Variants in NFATC3 observed in about 807,000 individuals in gnomAD.
The protein encoded by NFATC3 is nuclear factor of activated T-cells, cytoplasmic 3.
Under a neutral mutation model 98.6 loss-of-function variants are expected in NFATC3, and 46 were observed. The observed-to-expected ratio is 0.47, with a 90% CI of 0.37 to 0.60. The LOEUF (loss-of-function observed/expected upper bound fraction) is 0.60. Ranked by LOEUF, NFATC3 falls within the 20% of genes least tolerant of loss-of-function variation. The pLI, the probability that NFATC3 is intolerant of heterozygous loss-of-function variation, is 0.00. For synonymous variants in NFATC3, 512 were observed against 472.2 expected (o/e 1.08, Z -1.09); for missense variants, 1,256 against 1,295.5 (o/e 0.97, Z 0.47).
intron 8 of NFATC3, among the ~76,000 whole-genome samples, chr16:68,185,862 C>CAAAAAAAA: frequency 2.0e-5 from 1 of 49,354 alleles, no homozygotes; most frequent in Non-Finnish European, 4.5e-5. Flanking sequence ...GACTCCGTCT[C>CAAAAAAAA]AAAAAAAAAA....
At chr16:68,138,329 G>A (rs1469102713) in intron 3 of NFATC3, among the ~76,000 whole-genome samples, 1 of 152,112 alleles carries the variant, frequency 6.6e-6, no homozygotes, top group Non-Finnish European at 1.5e-5. Flanking sequence ...GTAAGCCACC[G>A]TGCCTGGCCC....
chr16:68,186,516 G>A lies in NFATC3; in HGVS notation c.2098+3150G>A, dbSNP rs139679326. Among the ~76,000 whole-genome samples, 7 of 152,138 alleles carry A rather than the reference G, an allele frequency of 4.6e-5. No homozygotes were observed. The East Asian group carries it at 1.4e-3, about 29-fold the overall frequency. On this transcript the variant is annotated intron_variant, in intron 8 of 9. Transcript: ENST00000346183. ...GATCACACCACTGCACTCCAGCCTGGGTGACAGAACAAGACTCCATCTCAA... is the reference window on the plus strand; with the variant it reads ...GATCACACCACTGCACTCCAGCCTGAGTGACAGAACAAGACTCCATCTCAA...
chr16:68,114,456 C>T lies in NFATC3; in HGVS notation c.104-7531C>T, dbSNP rs1396312574. Among the ~76,000 whole-genome samples the T allele has an allele frequency of 3.3e-5, 5 of 152,252 alleles. No individual in the cohort carries two copies. In the East Asian group the frequency reaches 9.6e-4, roughly 29 times the overall value. On this transcript the variant is annotated intron_variant, in intron 1 of 9. Transcript: ENST00000346183. ...TGTTTTTTCTTGAAGTTGTTTCTTT[C>T]ACACTATTCATGGAGGCTAATTGTT...
intron 9 of NFATC3, among the ~76,000 whole-genome samples, chr16:68,208,275 G>A (rs2041231892): frequency 6.6e-6 from 1 of 151,942 alleles, no homozygotes; most frequent in Non-Finnish European, 1.5e-5. Context: ...GACCTCAGGT[G>A]AGCCACCCGC....
At chr16:68,098,297 A>ATTTTT (rs71382032) in intron 1 of NFATC3, among the ~76,000 whole-genome samples, 6 of 101,434 alleles carry the variant, frequency 5.9e-5, no homozygotes, top group African/African-American at 1.7e-4. Flanking sequence ...TATTATTATT[A>ATTTTT]TTATTTTTTT....
chr16:68,128,959 T>C (rs923506681), intron 3 of NFATC3, among the ~76,000 whole-genome samples: 1 of 151,850 alleles, frequency 6.6e-6, no homozygotes, highest in African/African-American at 2.4e-5. Flanking sequence ...AGCTGGACAT[T>C]GTGGCACACC....
chr16:68,088,493 A>ATAAATATATATTTTATATATAATATG (rs2034521669), intron 1 of NFATC3, among the ~76,000 whole-genome samples: 1 of 147,252 alleles, frequency 6.8e-6, no homozygotes, highest in Non-Finnish European at 1.5e-5. Flanking sequence ...TATATAATAT[A>ATAAATATATATTTTATATATAATATG]TATTTTATAT....
In NFATC3 at chr16:68,190,871, G is replaced by T; in HGVS notation, c.2202G>T (p.Gly734=). The stretch of plus-strand genomic sequence containing the variant: ...CCCAGAGGCCTTCCTCTGATTCAGG[G>T]TGTTCACATGACAGTGTACTGTCAG... ...AQTQRPSSDS[G]CSHDSVLSGQ... Residue 734 remains glycine, a synonymous_variant, in exon 9 of 10, where the codon GGG becomes GGT. Transcript: ENST00000346183. The T allele has an allele frequency of 6.2e-7, 1 of 1,614,176 alleles. No individual in the cohort carries two copies. The highest frequency in any genetic ancestry group is 8.5e-7 in the Non-Finnish European group (1 of 1,180,050).
rs777722195 is a variant in NFATC3, at chr16:68,191,629, C to T, written c.2960C>T (p.Ser987Phe). 6.2e-7 allele frequency: 1 copy of T among 1,614,058 alleles called. No homozygotes were observed. The highest frequency in any genetic ancestry group is 8.5e-7 in the Non-Finnish European group (1 of 1,180,052). ...CAAAGTACGGGCCAGGGGGGTCTTT[C>T]TGCACCTTCATCCTTAATATGTCAC... is the stretch of plus-strand genomic sequence containing the variant. ...QAQSTGQGGL[S>F]APSSLICHSL... is the part of the protein sequence containing the mutation. The change falls in exon 9 of 10, where the codon TCT (serine) becomes TTT (phenylalanine). Residue 987 changes from serine (S) to phenylalanine (F), a missense_variant. Ser to Phe is a radical substitution (Grantham distance 155). Around this residue, in one of 3 missense-constraint regions of NFATC3, gnomAD observed 636 missense variants for 617.3 expected, o/e 1.03. Coordinates refer to ENST00000346183, the MANE Select transcript of NFATC3 (RefSeq NM_173165.3).
intron 3 of NFATC3, among the ~76,000 whole-genome samples, chr16:68,140,906 A>G (rs933688447): frequency 1.3e-5 from 2 of 152,174 alleles, no homozygotes; most frequent in Non-Finnish European, 1.5e-5. Flanking sequence ...CAAGTAGTGT[A>G]CATTGTACCT....
chr16:68,154,639 G>A (rs1226798009), intron 3 of NFATC3, among the ~76,000 whole-genome samples: 3 of 152,146 alleles, frequency 2.0e-5, no homozygotes, highest in South Asian at 2.1e-4. Context: ...TGACCTTTAC[G>A]TATCTGAATC....
At chr16:68,189,134 A>G (rs1396139135) in intron 8 of NFATC3, among the ~76,000 whole-genome samples, 2 of 152,116 alleles carry the variant, frequency 1.3e-5, no homozygotes, top group Non-Finnish European at 2.9e-5. Context: ...AATGTGTGAG[A>G]TTTTATTTCT....
chr16:68,215,615 C>G (rs2041600900), intron 9 of NFATC3, among the ~76,000 whole-genome samples: 3 of 151,872 alleles, frequency 2.0e-5, no homozygotes, highest in Non-Finnish European at 4.4e-5. Flanking sequence ...GTGTAGACAA[C>G]TCCTTTAAGA....
At chr16:68,182,742 C>T (rs1291931201) in intron 7 of NFATC3, among the ~76,000 whole-genome samples, 1 of 152,044 alleles carries the variant, frequency 6.6e-6, no homozygotes, top group Non-Finnish European at 1.5e-5. Context: ...TGGTCTCAAA[C>T]TCCTGACCTC....
intron 8 of NFATC3, among the ~76,000 whole-genome samples, chr16:68,190,093 T>C (rs2040373642): frequency 1.3e-5 from 2 of 152,250 alleles, no homozygotes; most frequent in Non-Finnish European, 2.9e-5. Context: ...TGTTTATTGC[T>C]AGTTTATAGA....
intron 3 of NFATC3, among the ~76,000 whole-genome samples, chr16:68,148,555 GC>G (rs1181356655): frequency 1.3e-5 from 2 of 152,138 alleles, no homozygotes; most frequent in Non-Finnish European, 2.9e-5. Flanking sequence ...TGTAGCTTAA[GC>G]CTGCTGGCAG....
At chr16:68,220,783 G>A (rs1375337958) in intron 9 of NFATC3, among the ~76,000 whole-genome samples, 1 of 151,148 alleles carries the variant, frequency 6.6e-6, no homozygotes, top group East Asian at 1.9e-4. Context: ...GCCAGGCATT[G>A]TGGCGGGCGC....
intron 3 of NFATC3, among the ~76,000 whole-genome samples, chr16:68,130,057 C>G (rs917705404): frequency 6.6e-6 from 1 of 152,094 alleles, no homozygotes; most frequent in African/African-American, 2.4e-5. Flanking sequence ...CATCCACTGA[C>G]GAACACTTAT....
chr16:68,122,492 T>G lies in NFATC3; in HGVS notation c.609T>G (p.Phe203Leu). The change falls in exon 2 of 10, where the codon TTT (phenylalanine) becomes TTG (leucine). Residue 203 changes from phenylalanine (F) to leucine (L), a missense_variant. This residue lies in a region of NFATC3 where 464 missense variants were observed against 465.7 expected (regional missense o/e 1.00). Transcript: ENST00000346183. ...DSELNEAAAR[F>L]TLGSPLTSPG... ...AGTTGAATGAAGCTGCAGCCCGATT[T>G]ACCCTTGGATCCCCTCTGACTTCTC... The G allele has an allele frequency of 6.2e-7, 1 of 1,614,126 alleles. No homozygotes were observed. The highest frequency in any genetic ancestry group is 8.5e-7 in the Non-Finnish European group (1 of 1,180,034).
Sources: gnomAD v4.1 joint callset for allele counts (sites outside exome capture counted in the v4.1 genomes callset) on GRCh38, gnomAD v4.1.1 for gene constraint, gnomAD v4.1.1 regional missense constraint, MANE v1.5 for transcripts, NCBI Gene and HGNC (gene_info 2026-07-23, HGNC 2026-07-21) for gene names.